RTN4: variants seen among roughly 807,000 people sequenced by gnomAD.
RTN4 encodes the protein reticulon 4.
In RTN4, 32 loss-of-function variants were observed where a neutral mutation model predicts 90.4. That is an observed-to-expected ratio of 0.35 (90% CI 0.27 to 0.48). The LOEUF is 0.48. RTN4 is among the 20% of genes least tolerant of loss of function. The pLI is 0.99. For missense variants in RTN4, 1,706 were observed against 1,430.2 expected (o/e 1.19, Z -3.11); for synonymous variants, 629 against 552.5 (o/e 1.14, Z -1.94).
At chr2:54,982,167 G>A (rs1346129946) in intron 5 of RTN4, among the ~76,000 whole-genome samples, 1 of 151,904 alleles carries the variant, frequency 6.6e-6, no homozygotes, top group African/African-American at 2.4e-5. Flanking sequence ...TGTTGGCCAG[G>A]CTAGTCTCAA....
intron 1 of RTN4, among the ~76,000 whole-genome samples, chr2:55,087,530 A>G (rs1004054115): frequency 1.3e-5 from 2 of 152,164 alleles, no homozygotes; most frequent in Admixed American, 1.3e-4. Flanking sequence ...GTGTTGGTAC[A>G]TATAGTTCCA....
intron 2 of RTN4, among the ~76,000 whole-genome samples, chr2:55,063,186 C>T (rs968577510): frequency 1.9e-4 from 29 of 152,112 alleles, no homozygotes; most frequent in African/African-American, 5.8e-4. Context: ...GATAATAAAA[C>T]AAGCATATAA....
At chr2:55,036,824 G>A (rs1283301357) in intron 1 of RTN4, among the ~76,000 whole-genome samples, 1 of 151,832 alleles carries the variant, frequency 6.6e-6, no homozygotes, top group African/African-American at 2.4e-5. Flanking sequence ...AGGATATCTA[G>A]GAAAAATATG....
the RTN4 span, among the ~76,000 whole-genome samples, chr2:55,119,751 C>T: frequency 0.072 from 10,906 of 152,244 alleles, 441 homozygotes; most frequent in Middle Eastern, 0.15. Flanking sequence ...ACTGCTGGAG[C>T]ACCACTAGGA....
At chr2:54,980,128 A>G (rs1421811132) in intron 5 of RTN4, among the ~76,000 whole-genome samples, 1 of 152,240 alleles carries the variant, frequency 6.6e-6, no homozygotes, top group Non-Finnish European at 1.5e-5. Flanking sequence ...TCTCTCATTT[A>G]TGCTAGCTTC....
chr2:55,082,059 C>T (rs1668731400), intron 1 of RTN4, among the ~76,000 whole-genome samples: 1 of 151,982 alleles, frequency 6.6e-6, no homozygotes, highest in Non-Finnish European at 1.5e-5. Flanking sequence ...GGTAGAAGGC[C>T]TAAACTGAAT....
At chr2:55,009,953 T>C (rs1046555763) in intron 3 of RTN4, 4 of 971,344 alleles carry the variant, frequency 4.1e-6, no homozygotes, top group Non-Finnish European at 6.1e-6. Context: ...GAGATAGCCG[T>C]TTTAATCCTT....
intron 3 of RTN4, among the ~76,000 whole-genome samples, chr2:55,008,561 T>G (rs1256179048): frequency 6.6e-6 from 1 of 152,142 alleles, no homozygotes; most frequent in Admixed American, 6.5e-5. Context: ...GCCATTCCAC[T>G]TACAAAGTGA....
chr2:55,058,224 CTTCTA>C (rs1246226588), intron 2 of RTN4, among the ~76,000 whole-genome samples: 2 of 152,076 alleles, frequency 1.3e-5, no homozygotes, highest in African/African-American at 2.4e-5. Context: ...CTAAATTAAT[CTTCTA>C]TTCTTTAGAT....
At chr2:55,126,085 C>T in the RTN4 span, among the ~76,000 whole-genome samples, 8 of 149,172 alleles carry the variant, frequency 5.4e-5, no homozygotes, top group Admixed American at 1.3e-4. Flanking sequence ...AAAAAAGGTC[C>T]GGGCATGGTG....
At position 55,027,307 on chromosome 2, in the gene RTN4, T is replaced by G; in HGVS notation, c.792A>C (p.Thr264=). 1 of 1,613,688 alleles carries G rather than the reference T, an allele frequency of 6.2e-7. No individual in the cohort carries two copies. Residue 264 remains threonine, a synonymous_variant, in exon 3 of 9, where the codon ACA becomes ACC. Coordinates refer to ENST00000337526, the MANE Select transcript of RTN4 (RefSeq NM_020532.5). Reference sequence around the variant, plus strand: ...AAGCTTCACTGACATTTTCTTGAAGTGTTCCTTCAGTGGGTAATACTGTTG... The same window carrying G: ...AAGCTTCACTGACATTTTCTTGAAGGGTTCCTTCAGTGGGTAATACTGTTG... ...NLSTVLPTEG[T]LQENVSEASK...
intron 3 of RTN4, chr2:55,010,380 T>C (rs772110107): frequency 1.2e-5 from 16 of 1,289,626 alleles, no homozygotes; most frequent in Non-Finnish European, 1.6e-5. Flanking sequence ...GTTGATTGTT[T>C]TAGGCATTTG....
chr2:55,048,723 G>C (rs958253144), intron 1 of RTN4, among the ~76,000 whole-genome samples: 1 of 152,094 alleles, frequency 6.6e-6, no homozygotes, highest in African/African-American at 2.4e-5. Context: ...CTGAAAAACA[G>C]TATTTCTAAC....
chr2:54,988,893 C>T lies in RTN4; in HGVS notation c.3014-1195G>A, dbSNP rs1173666039. Among the ~76,000 whole-genome samples, 4 of 152,134 alleles carry T rather than the reference C, an allele frequency of 2.6e-5. No individual in the cohort carries two copies. The East Asian group carries it at 7.7e-4, about 29-fold the overall frequency. ...CGGGTTATGCTCAATGCAAGGAGAA[C>T]CCCGAAGTGTGCCAAAGTGCTCTTG... On this transcript the variant is annotated intron_variant, in intron 3 of 8. Coordinates refer to ENST00000337526, the MANE Select transcript of RTN4 (RefSeq NM_020532.5).
In RTN4 at chr2:55,028,130, C is replaced by T. The variant is rs200708010; in HGVS notation, c.613+34G>A. The T allele has an allele frequency of 1.0e-5, 16 of 1,590,930 alleles. No homozygotes were observed. The African/African-American group carries it at 1.8e-4, about 17-fold the overall frequency. On this transcript the variant is annotated intron_variant, in intron 2 of 8. Transcript: ENST00000337526. ...ACACTAAAGAGTTAAAGTTAGAATA[C>T]AGAGAGGATAAAAGGCTGGCAGAAA...
At chr2:54,974,342 C>A (rs983024333) in intron 6 of RTN4, among the ~76,000 whole-genome samples, 1 of 152,216 alleles carries the variant, frequency 6.6e-6, no homozygotes, top group African/African-American at 2.4e-5. Flanking sequence ...TGCAATGGCA[C>A]GATCTCCGCT....
chr2:55,075,511 C>T (rs1378905548), intron 2 of RTN4, among the ~76,000 whole-genome samples: 5 of 152,182 alleles, frequency 3.3e-5, no homozygotes, highest in Non-Finnish European at 7.3e-5. Flanking sequence ...AATGACCATA[C>T]TGCCAAAAGC....
chr2:54,975,818 C>T (rs1020192251), intron 5 of RTN4, among the ~76,000 whole-genome samples: 1 of 152,206 alleles, frequency 6.6e-6, no homozygotes, highest in Admixed American at 6.5e-5. Context: ...AGCAACAGTT[C>T]TACAAATAGC....
At chr2:54,996,129 G>A (rs965170264) in intron 3 of RTN4, among the ~76,000 whole-genome samples, 2 of 152,010 alleles carry the variant, frequency 1.3e-5, no homozygotes, top group African/African-American at 4.8e-5. Context: ...GAAAAAATAA[G>A]ATACTTAGGA....
Sources: gnomAD v4.1 joint callset for allele counts (sites outside exome capture counted in the v4.1 genomes callset) on GRCh38, gnomAD v4.1.1 for gene constraint, MANE v1.5 for transcripts, NCBI Gene and HGNC (gene_info 2026-07-23, HGNC 2026-07-21) for gene names.